The following SSH2 variants were observed in gnomAD, a reference collection of about 807,000 sequenced individuals.
The protein encoded by SSH2 is protein phosphatase Slingshot homolog 2.
In SSH2, 37 loss-of-function variants were observed where a neutral mutation model predicts 135.2. That is an observed-to-expected ratio of 0.27 (90% CI 0.21 to 0.36). The LOEUF (loss-of-function observed/expected upper bound fraction) is 0.36, where lower values mean the gene tolerates loss of function less well. Ranked by LOEUF, SSH2 falls within the 10% of genes least tolerant of loss-of-function variation. The pLI is 1.00. For missense variants in SSH2, 1,408 were observed against 1,765.3 expected, an observed-to-expected ratio of 0.80 and a Z score of 3.63; for synonymous variants, 628 against 646.2, an observed-to-expected ratio of 0.97 and a Z score of 0.43.
chr17:29,885,052 AAAGTTT>A (rs1324660712), intron 1 of SSH2, among the ~76,000 whole-genome samples: 1 of 152,196 alleles, frequency 6.6e-6, no homozygotes, highest in Non-Finnish European at 1.5e-5. Context: ...AGTACGGGCT[AAAGTTT>A]AAGTTTAAAT....
At chr17:29,858,263 T>C (rs1453940458) in intron 1 of SSH2, among the ~76,000 whole-genome samples, 2 of 152,204 alleles carry the variant, frequency 1.3e-5, no homozygotes, top group Admixed American at 1.3e-4. Flanking sequence ...CTATAACAAA[T>C]TACCACAAAC....
At chr17:29,763,370 C>A (rs1052895691) in intron 3 of SSH2, among the ~76,000 whole-genome samples, 25 of 151,976 alleles carry the variant, frequency 1.6e-4, no homozygotes, top group African/African-American at 5.8e-4. Context: ...TCAGCAGCCA[C>A]CCAAATGGTA....
At position 29,666,956 on chromosome 17, in the gene SSH2, G is replaced by C; in HGVS notation, c.943C>G (p.Arg315Gly). The change falls in exon 11 of 16, where the codon CGG becomes GGG. Residue 315 changes from arginine to glycine, a missense_variant. Around this residue, in one of 3 missense-constraint regions of SSH2, gnomAD observed 106 missense variants for 265.2 expected, o/e 0.40. Coordinates refer to ENST00000540801, the MANE Select transcript of SSH2 (RefSeq NM_001282129.2). ...ELEMQMVCNL[R>G]EFKEFIDNEM... ...TTGTCTATAAATTCCTTGAATTCCC[G>C]CAAGTTGCACACCATTTGCATTTCC... 6.2e-7 allele frequency: 1 copy of C among 1,613,880 alleles called. No individual in the cohort carries two copies. Among genetic ancestry groups the C allele is most frequent in the Non-Finnish European group, 8.5e-7 (1 of 1,179,926 alleles).
chr17:29,707,898 T>C (rs2039272115), intron 3 of SSH2, among the ~76,000 whole-genome samples: 1 of 152,046 alleles, frequency 6.6e-6, no homozygotes, highest in South Asian at 2.1e-4. Flanking sequence ...ATAATCTGGA[T>C]GGTACAATCA....
chr17:29,902,276 T>A (rs1250948083), intron 1 of SSH2, among the ~76,000 whole-genome samples: 1 of 152,208 alleles, frequency 6.6e-6, no homozygotes, highest in Non-Finnish European at 1.5e-5. Flanking sequence ...CTCATATAGA[T>A]GCATAAAAGC....
At chr17:29,770,684 A>G (rs2041563747) in intron 3 of SSH2, among the ~76,000 whole-genome samples, 1 of 148,706 alleles carries the variant, frequency 6.7e-6, no homozygotes, top group Non-Finnish European at 1.5e-5. Context: ...TGTTGGCCTG[A>G]CTGGTCTCGA....
At chr17:29,808,081 G>A (rs1343628676) in intron 2 of SSH2, among the ~76,000 whole-genome samples, 1 of 152,184 alleles carries the variant, frequency 6.6e-6, no homozygotes, top group African/African-American at 2.4e-5. Context: ...TCTTTAGCTA[G>A]CAGATCAGTC....
intron 15 of SSH2, among the ~76,000 whole-genome samples, chr17:29,634,577 G>A (rs543426544): frequency 5.3e-5 from 8 of 152,022 alleles, no homozygotes; most frequent in African/African-American, 9.6e-5. Flanking sequence ...TTTTTGAGAC[G>A]GAGTCTCGCT....
intron 2 of SSH2, among the ~76,000 whole-genome samples, chr17:29,828,674 C>A (rs767670411): frequency 1.3e-5 from 2 of 152,156 alleles, no homozygotes; most frequent in African/African-American, 4.8e-5. Flanking sequence ...CTTTGTGAAG[C>A]TAGAACAATC....
At chr17:29,662,991 C>A (rs1383457866) in intron 11 of SSH2, among the ~76,000 whole-genome samples, 1 of 152,212 alleles carries the variant, frequency 6.6e-6, no homozygotes, top group Non-Finnish European at 1.5e-5. Flanking sequence ...ATCGGACAGC[C>A]TCCAGGAGAG....
intron 1 of SSH2, among the ~76,000 whole-genome samples, chr17:29,851,499 G>A (rs1030672358): frequency 9.9e-5 from 15 of 152,020 alleles, no homozygotes; most frequent in African/African-American, 3.6e-4. Flanking sequence ...GGCTGAGGCA[G>A]GAGAATCGCT....
chr17:29,727,955 C>G (rs1402949893), intron 3 of SSH2, among the ~76,000 whole-genome samples: 1 of 152,122 alleles, frequency 6.6e-6, no homozygotes, highest in Non-Finnish European at 1.5e-5. Context: ...TCAAGGTGGG[C>G]AGATCACAAG....
intron 3 of SSH2, among the ~76,000 whole-genome samples, chr17:29,748,003 A>G (rs1199891375): frequency 6.6e-6 from 1 of 152,230 alleles, no homozygotes; most frequent in African/African-American, 2.4e-5. Flanking sequence ...AGGTGAGCAC[A>G]AAGGCAAATA....
At chr17:29,669,480 C>A (rs1179799708) in intron 9 of SSH2, among the ~76,000 whole-genome samples, 2 of 152,148 alleles carry the variant, frequency 1.3e-5, no homozygotes, top group African/African-American at 4.8e-5. Flanking sequence ...GTTTTATAAG[C>A]TTTTCTAGTC....
intron 2 of SSH2, among the ~76,000 whole-genome samples, chr17:29,810,195 C>T (rs1165225568): frequency 8.6e-6 from 1 of 116,828 alleles, no homozygotes; most frequent in South Asian, 2.7e-4. Context: ...TCTGCAAACA[C>T]CCTGATTTAA....
Position 29,930,048 on chromosome 17 carries a change from TGGGGGACGGGA to T in SSH2, c.-59_-49del. The T allele has an allele frequency of 2.7e-6, 2 of 739,614 alleles. No individual in the cohort carries two copies. The highest frequency in any genetic ancestry group is 2.9e-5 in the South Asian group (1 of 34,450). 45.8% of individuals were successfully genotyped at this position (739,614 alleles called of 1,614,324 possible). ...GGGCAGGGCATTCTTGTCCTGAGTG[TGGGGGACGGGA>T]GGGTGACGGAGCCGGGATGGGGAAA... On this transcript the variant is annotated 5_prime_UTR_variant, in exon 1 of 16. Transcript: ENST00000540801.
In SSH2 at chr17:29,736,603, T is replaced by C. The variant is rs1474216754; in HGVS notation, c.189-33541A>G. Among the ~76,000 whole-genome samples, 413 of 137,520 alleles carry C rather than the reference T, an allele frequency of 3.0e-3. No individual in the cohort carries two copies. In the Middle Eastern group the frequency reaches 0.045, roughly 15 times the overall value. 90.2% of individuals were successfully genotyped at this position (137,520 alleles called of 152,430 possible). On this transcript the variant is annotated intron_variant, in intron 3 of 15. Coordinates refer to ENST00000540801, the MANE Select transcript of SSH2 (RefSeq NM_001282129.2). ...GAGATCGAGACCATCCTGGCTAACA[T>C]GGTGAAACCCTGTCTCTACTAAAAA...
chr17:29,859,561 A>G (rs539142407), intron 1 of SSH2, among the ~76,000 whole-genome samples: 1 of 152,132 alleles, frequency 6.6e-6, no homozygotes, highest in South Asian at 2.1e-4. Context: ...TTCTGTTCCC[A>G]TGTTAGTTTG....
At chr17:29,653,989 T>A (rs1303640802) in intron 12 of SSH2, among the ~76,000 whole-genome samples, 1 of 152,184 alleles carries the variant, frequency 6.6e-6, no homozygotes, top group Middle Eastern at 3.2e-3. Context: ...ATAAAGCAGA[T>A]GCAATGTTAT....
Sources: allele counts gnomAD v4.1 joint callset (sites outside exome capture counted in the v4.1 genomes callset), GRCh38; gene constraint gnomAD v4.1.1; regional missense constraint gnomAD v4.1.1; transcripts MANE v1.5; gene names NCBI Gene and HGNC (gene_info 2026-07-23, HGNC 2026-07-21).